Variants in LIPC observed in about 807,000 individuals in gnomAD.
LIPC encodes the protein lipase C, hepatic type.
In LIPC, 44 loss-of-function variants were observed where a neutral mutation model predicts 50.7. That is an observed-to-expected ratio of 0.87 (90% CI 0.68 to 1.11). The LOEUF is 1.11. Ranked by LOEUF, LIPC falls within the 50% of genes most tolerant of loss-of-function variation. LIPC has a pLI of 0.00. For synonymous variants in LIPC, 271 were observed against 256.4 expected, an observed-to-expected ratio of 1.06 and a Z score of -0.54; for missense variants, 697 against 648.2, an observed-to-expected ratio of 1.08 and a Z score of -0.82.
chr15:58,499,064 A>G (rs1891879598), intron 1 of LIPC, among the ~76,000 whole-genome samples: 1 of 152,184 alleles, frequency 6.6e-6, no homozygotes, highest in Non-Finnish European at 1.5e-5. Flanking sequence ...TACTCGGCAC[A>G]AGAGAGGCCA....
At chr15:58,443,773 T>A (rs1237266329) in intron 1 of LIPC, among the ~76,000 whole-genome samples, 1 of 151,972 alleles carries the variant, frequency 6.6e-6, no homozygotes, top group Non-Finnish European at 1.5e-5. Flanking sequence ...GAAAAAGGAG[T>A]CAGCAAAGGG....
chr15:58,558,110 G>A (rs536354586), intron 6 of LIPC, among the ~76,000 whole-genome samples: 1 of 150,190 alleles, frequency 6.7e-6, no homozygotes, highest in Non-Finnish European at 1.5e-5. Context: ...CTCTTGCCCT[G>A]TCACCAGGCT....
At chr15:58,541,698 T>G in intron 2 of LIPC, 87 bp from the exon 3 acceptor site, 1 of 1,369,646 alleles carries the variant, frequency 7.3e-7, no homozygotes, top group Non-Finnish European at 1.0e-6. Context: ...AAGCCCTTCC[T>G]CCAGCATTAT....
intron 1 of LIPC, among the ~76,000 whole-genome samples, chr15:58,528,022 C>A (rs577394306): frequency 6.6e-6 from 1 of 152,240 alleles, no homozygotes; most frequent in African/African-American, 2.4e-5. Context: ...TGCCTGTAAT[C>A]CCAGCTACTC....
intron 1 of LIPC, among the ~76,000 whole-genome samples, chr15:58,491,668 A>G (rs1891590960): frequency 6.6e-6 from 1 of 152,200 alleles, no homozygotes; most frequent in Non-Finnish European, 1.5e-5. Context: ...ACAACTTCAC[A>G]GTCGTACTTT....
At chr15:58,567,188 G>A (rs1427982667) in intron 8 of LIPC, among the ~76,000 whole-genome samples, 2 of 132,064 alleles carry the variant, frequency 1.5e-5, no homozygotes, top group Non-Finnish European at 1.5e-5. Context: ...GCGACAGAGC[G>A]AGACTCCGTC....
chr15:58,483,989 G>A (rs995542981), intron 1 of LIPC, among the ~76,000 whole-genome samples: 2 of 152,042 alleles, frequency 1.3e-5, no homozygotes, highest in African/African-American at 2.4e-5. Flanking sequence ...CTCTTCTTGG[G>A]GACTGAGCTG....
At chr15:58,483,488 ATG>A (rs1302224353) in intron 1 of LIPC, among the ~76,000 whole-genome samples, 2 of 152,180 alleles carry the variant, frequency 1.3e-5, no homozygotes, top group Non-Finnish European at 2.9e-5. Flanking sequence ...GTTTTGCAGG[ATG>A]TGGGTGGGGT....
Position 58,560,892 on chromosome 15 carries a change from C to A in LIPC, c.1080C>A (p.Phe360Leu), listed in dbSNP as rs761590587. 7.2e-7 allele frequency: 1 copy of A among 1,397,292 alleles called. No homozygotes were observed. The highest frequency in any genetic ancestry group is 1.2e-5 in the South Asian group (1 of 86,588). 86.6% of individuals were successfully genotyped at this position (1,397,292 alleles called of 1,614,324 possible). A position where few individuals can be genotyped will look rare whatever the true frequency, so the allele number is the denominator to read the frequency against. The stretch of plus-strand genomic sequence containing the variant: ...ATCATTACCAGTTCAAGATCCAGTT[C>A]ATCAACCAAACTGAGACACCAATAC... ...KVYHYQFKIQ[F>L]INQTETPIQT... Residue 360 changes from phenylalanine (F) to leucine (L), a missense_variant, in exon 7 of 9, where the codon TTC becomes TTA. By Grantham distance (22) the Phe-to-Leu change is conservative. Coordinates refer to ENST00000299022, the MANE Select transcript of LIPC (RefSeq NM_000236.3).
chr15:58,516,080 A>G (rs552786902), intron 1 of LIPC, among the ~76,000 whole-genome samples: 2 of 152,208 alleles, frequency 1.3e-5, no homozygotes, highest in African/African-American at 4.8e-5. Flanking sequence ...CTACCAACAT[A>G]CAAGGAGCCC....
chr15:58,515,511 G>C (rs1566935615), intron 1 of LIPC, among the ~76,000 whole-genome samples: 1 of 136,498 alleles, frequency 7.3e-6, no homozygotes, highest in Non-Finnish European at 1.5e-5. Context: ...TGATATAAAA[G>C]AGGTCTTTGC....
intron 6 of LIPC, among the ~76,000 whole-genome samples, chr15:58,554,457 A>C (rs1893864650): frequency 6.6e-6 from 1 of 152,228 alleles, no homozygotes; most frequent in Non-Finnish European, 1.5e-5. Context: ...TAAAGTGGGC[A>C]AAATCACTCA....
chr15:58,545,538 G>A (rs764807573), intron 4 of LIPC, among the ~76,000 whole-genome samples: 3 of 152,192 alleles, frequency 2.0e-5, no homozygotes, highest in Non-Finnish European at 2.9e-5. Context: ...CTAATGCCCA[G>A]CCTGTGTGTC....
intron 1 of LIPC, among the ~76,000 whole-genome samples, chr15:58,508,553 C>G (rs144389903): frequency 5.0e-4 from 76 of 152,304 alleles, no homozygotes; most frequent in Admixed American, 2.2e-3. Context: ...GGCCGACCCC[C>G]CTCCATCCCT....
intron 1 of LIPC, chr15:58,436,342 G>GT (rs1893295032): frequency 5.6e-6 from 1 of 179,202 alleles, no homozygotes; most frequent in East Asian, 1.6e-4. Context: ...GGTGACCCCT[G>GT]TAAGCTTCTC....
intron 5 of LIPC, among the ~76,000 whole-genome samples, chr15:58,547,435 C>T (rs1374388511): frequency 2.0e-5 from 3 of 152,134 alleles, no homozygotes; most frequent in Admixed American, 1.3e-4. Flanking sequence ...CTAGTAGGTG[C>T]CCAAGGAATG....
chr15:58,472,142 G>A (rs1413056090), intron 1 of LIPC, among the ~76,000 whole-genome samples: 4 of 151,632 alleles, frequency 2.6e-5, no homozygotes. Context: ...ATGGTGGCAC[G>A]TGCCTGTAAT....
At chr15:58,461,815 G>A (rs1054332557) in intron 1 of LIPC, among the ~76,000 whole-genome samples, 1 of 151,992 alleles carries the variant, frequency 6.6e-6, no homozygotes, top group Non-Finnish European at 1.5e-5. Flanking sequence ...ACACCCATTG[G>A]CCTTGGATGC....
At chr15:58,539,333 T>C (rs1237147083) in intron 2 of LIPC, among the ~76,000 whole-genome samples, 1 of 152,222 alleles carries the variant, frequency 6.6e-6, no homozygotes, top group Non-Finnish European at 1.5e-5. Flanking sequence ...ATTCTCCCAG[T>C]TACATCCATT....
Sources: gnomAD v4.1 joint callset for allele counts (sites outside exome capture counted in the v4.1 genomes callset) on GRCh38, gnomAD v4.1.1 for gene constraint, MANE v1.5 for transcripts, NCBI Gene and HGNC (gene_info 2026-07-23, HGNC 2026-07-21) for gene names.